The following MRTFB variants were observed in gnomAD, a reference collection of about 807,000 sequenced individuals.
The protein encoded by MRTFB is myocardin related transcription factor B.
Under a neutral mutation model 104.2 loss-of-function variants are expected in MRTFB, and 29 were observed. That is an observed-to-expected ratio of 0.28 (90% CI 0.21 to 0.38). The LOEUF is 0.38. Among genes scored for constraint, MRTFB ranks in the 10% least tolerant of loss-of-function variants. MRTFB has a pLI of 1.00. For missense variants in MRTFB, 1,270 were observed against 1,341.6 expected (o/e 0.95, Z 0.83); for synonymous variants, 535 against 519.5 (o/e 1.03, Z -0.41).
chr16:14,165,547 C>T (rs922402534), intron 3 of MRTFB, among the ~76,000 whole-genome samples: 1 of 152,188 alleles, frequency 6.6e-6, no homozygotes, highest in Non-Finnish European at 1.5e-5. Context: ...TCCAGCCCTG[C>T]TGCACTACTC....
At chr16:14,151,101 G>C (rs2038592923) in intron 3 of MRTFB, 1 of 152,116 alleles carries the variant, frequency 6.6e-6, no homozygotes, top group African/African-American at 2.4e-5. Context: ...AGCAACAGGA[G>C]GTGACTACAA....
At chr16:14,003,691 C>T in the MRTFB span, among the ~76,000 whole-genome samples, 3 of 143,930 alleles carry the variant, frequency 2.1e-5, no homozygotes, top group East Asian at 6.8e-4. Flanking sequence ...CCTTCCTCTA[C>T]ACTTCTTTCC....
intron 13 of MRTFB, among the ~76,000 whole-genome samples, chr16:14,250,210 G>C (rs1400396228): frequency 1.3e-5 from 2 of 152,074 alleles, no homozygotes; most frequent in Non-Finnish European, 2.9e-5. Context: ...TTTTCAAATA[G>C]GAGTATATTT....
At chr16:14,003,623 G>GGCCTGCCT in the MRTFB span, among the ~76,000 whole-genome samples, 294 of 85,406 alleles carry the variant, frequency 3.4e-3, 1 homozygote, top group Non-Finnish European at 5.6e-3. Context: ...GGGGCCGGCC[G>GGCCTGCCT]GCCTGCCTGC....
At position 14,251,897 on chromosome 16, in the gene MRTFB, T is replaced by G. The variant is rs1480610940; in HGVS notation, c.2439T>G (p.Leu813=). The G allele has an allele frequency of 6.2e-7, 1 of 1,614,190 alleles. No individual in the cohort carries two copies. Among genetic ancestry groups the G allele is most frequent in the Non-Finnish European group, 8.5e-7 (1 of 1,180,034 alleles). ...FTNSASSNTV[L]PYQRHPAPAV... ...ACTCAGCATCATCAAATACAGTTCT[T>G]CCATATCAGAGACATCCTGCCCCAG... Residue 813 remains leucine, a synonymous_variant, in exon 14 of 17, where the codon CTT becomes CTG. Transcript: ENST00000571589.
intron 3 of MRTFB, among the ~76,000 whole-genome samples, chr16:14,173,090 C>G (rs1469306158): frequency 3.3e-5 from 5 of 152,246 alleles, no homozygotes; most frequent in Middle Eastern, 3.4e-3. Context: ...ACATTTAGAT[C>G]CCAGATCTCT....
At chr16:14,076,742 T>G (rs2034084188) in intron 1 of MRTFB, among the ~76,000 whole-genome samples, 1 of 152,246 alleles carries the variant, frequency 6.6e-6, no homozygotes, top group African/African-American at 2.4e-5. Flanking sequence ...GAGTGGCACT[T>G]ATTTTGAACT....
intron 2 of MRTFB, among the ~76,000 whole-genome samples, chr16:14,096,591 G>A (rs747749945): frequency 6.6e-6 from 1 of 152,178 alleles, no homozygotes; most frequent in Admixed American, 6.5e-5. Context: ...CTGTAAAATA[G>A]CCTACATATT....
At chr16:14,184,159 A>G (rs1434127965) in intron 3 of MRTFB, among the ~76,000 whole-genome samples, 1 of 151,132 alleles carries the variant, frequency 6.6e-6, no homozygotes, top group Non-Finnish European at 1.5e-5. Flanking sequence ...CCCGGAGCCA[A>G]GCTGCGTGCT....
chr16:14,159,595 AT>A (rs1441453053), intron 3 of MRTFB, among the ~76,000 whole-genome samples: 2 of 152,196 alleles, frequency 1.3e-5, no homozygotes, highest in Non-Finnish European at 2.9e-5. Context: ...TTATTACATG[AT>A]CTTTGTAACG....
chr16:13,996,262 A>G, the MRTFB span, among the ~76,000 whole-genome samples: 1 of 151,110 alleles, frequency 6.6e-6, no homozygotes. Context: ...ACAGAGTGAT[A>G]CTCTGTCTCA....
At chr16:14,131,571 T>C (rs1243236657) in intron 2 of MRTFB, among the ~76,000 whole-genome samples, 1 of 152,154 alleles carries the variant, frequency 6.6e-6, no homozygotes, top group Admixed American at 6.5e-5. Context: ...TGGTATCCAT[T>C]AGACTTACAT....
At chr16:14,234,343 C>T (rs1304335389) in intron 9 of MRTFB, 60 bp downstream of exon 9, 31 of 1,532,918 alleles carry the variant, frequency 2.0e-5, no homozygotes, top group Non-Finnish European at 2.6e-5. Context: ...GTCTATAACC[C>T]TGTGAATGGA....
At chr16:14,043,867 C>CT in the MRTFB span, among the ~76,000 whole-genome samples, 1 of 152,208 alleles carries the variant, frequency 6.6e-6, no homozygotes, top group Non-Finnish European at 1.5e-5. Context: ...AATCTTGCCT[C>CT]TAAGAACTCA....
At chr16:14,259,903 T>C (rs1359406512) in intron 16 of MRTFB, among the ~76,000 whole-genome samples, 2 of 152,260 alleles carry the variant, frequency 1.3e-5, no homozygotes, top group African/African-American at 4.8e-5. Context: ...AATTCATTTA[T>C]AGGAATCAAA....
intron 2 of MRTFB, among the ~76,000 whole-genome samples, chr16:14,140,142 G>A (rs1397656506): frequency 6.6e-6 from 1 of 152,188 alleles, no homozygotes; most frequent in Non-Finnish European, 1.5e-5. Flanking sequence ...CCTGGTTGCT[G>A]TGAATGTTGA....
In MRTFB at chr16:14,140,602, A is replaced by G; in HGVS notation, c.-5A>G. 6.2e-7 allele frequency: 1 copy of G among 1,614,164 alleles called. No homozygotes were observed. Among genetic ancestry groups the G allele is most frequent in the Non-Finnish European group, 8.5e-7 (1 of 1,180,022 alleles). On this transcript the variant is annotated 5_prime_UTR_variant, in exon 3 of 17. Coordinates refer to ENST00000571589, the MANE Select transcript of MRTFB (RefSeq NM_001308142.2). ...ACACTCCCTGTTGCCAGTGGCTGGA[A>G]CACAATGGATCACACAGGGGCGATA... is the stretch of plus-strand genomic sequence containing the variant.
intron 3 of MRTFB, among the ~76,000 whole-genome samples, chr16:14,166,340 T>C (rs28744412): frequency 0.23 from 35,538 of 151,824 alleles, 7,855 homozygotes; most frequent in African/African-American, 0.57. Flanking sequence ...TAACCTTTTT[T>C]TATACTTCAT....
At position 14,098,449 on chromosome 16, in the gene MRTFB, G is replaced by T. The variant is rs192597762; in HGVS notation, c.-64+19095G>T. Among the ~76,000 whole-genome samples, 21 of 152,142 alleles carry T rather than the reference G, an allele frequency of 1.4e-4. No individual in the cohort carries two copies. The East Asian group carries it at 4.1e-3, about 29-fold the overall frequency. On this transcript the variant is annotated intron_variant, in intron 2 of 16. Transcript: ENST00000571589. ...TATTACTGAGTTTTGAGAGTTCTTTGTATACTCTGGATATAGATTATCAGA... is the reference window on the plus strand; with the variant it reads ...TATTACTGAGTTTTGAGAGTTCTTTTTATACTCTGGATATAGATTATCAGA...
Sources: gnomAD v4.1 joint callset for allele counts (sites outside exome capture counted in the v4.1 genomes callset) on GRCh38, gnomAD v4.1.1 for gene constraint, MANE v1.5 for transcripts, NCBI Gene and HGNC (gene_info 2026-07-23, HGNC 2026-07-21) for gene names.